Variants in PPP2R5C observed in about 807,000 individuals in gnomAD.
PPP2R5C encodes serine/threonine-protein phosphatase 2A 56 kDa regulatory subunit gamma isoform.
In PPP2R5C, 7 loss-of-function variants were observed where a neutral mutation model predicts 68.9. The ratio of observed to expected loss-of-function variants is 0.10; its 90% CI spans 0.06 to 0.19. The LOEUF (loss-of-function observed/expected upper bound fraction) is 0.19, where lower values mean the gene tolerates loss of function less well. Among genes scored for constraint, PPP2R5C ranks in the 10% least tolerant of loss-of-function variants. PPP2R5C has a pLI of 1.00. For synonymous variants in PPP2R5C, 210 were observed against 222.2 expected (o/e 0.95, Z 0.49); for missense variants, 348 against 641.3 (o/e 0.54, Z 4.94).
intron 1 of PPP2R5C, among the ~76,000 whole-genome samples, chr14:101,840,422 T>C (rs961031064): frequency 6.7e-6 from 1 of 149,382 alleles, no homozygotes. Context: ...CGCTTGCTGC[T>C]TTCTGGTTTT....
chr14:101,774,148 T>TA (rs755280759), intron 2 of PPP2R5C, among the ~76,000 whole-genome samples: 15 of 152,340 alleles, frequency 9.8e-5, no homozygotes, highest in Non-Finnish European at 1.5e-4. Flanking sequence ...ATGAAGGGTT[T>TA]CTTTGTTCAC....
intron 2 of PPP2R5C, among the ~76,000 whole-genome samples, chr14:101,775,630 G>A (rs991876013): frequency 6.6e-6 from 1 of 152,170 alleles, no homozygotes; most frequent in African/African-American, 2.4e-5. Context: ...AGACTTGGGA[G>A]AGGACCATGT....
intron 3 of PPP2R5C, among the ~76,000 whole-genome samples, chr14:101,804,373 A>G (rs539661804): frequency 3.2e-4 from 48 of 152,256 alleles, no homozygotes; most frequent in Non-Finnish European, 6.2e-4. Context: ...TGCTGGGTAC[A>G]TACCACAAAG....
chr14:101,822,742 T>C (rs991803222), intron 1 of PPP2R5C, among the ~76,000 whole-genome samples: 3 of 152,258 alleles, frequency 2.0e-5, no homozygotes, highest in African/African-American at 7.2e-5. Flanking sequence ...TGGATATGAA[T>C]TCTGCATTTT....
chr14:101,841,671 C>T (rs542109070), intron 1 of PPP2R5C, among the ~76,000 whole-genome samples: 4 of 152,146 alleles, frequency 2.6e-5, no homozygotes, highest in South Asian at 4.1e-4. Context: ...ACCTTCCAGT[C>T]GCAGACACAA....
At chr14:101,921,563 G>A (rs1300570091) in intron 13 of PPP2R5C, among the ~76,000 whole-genome samples, 2 of 151,542 alleles carry the variant, frequency 1.3e-5, no homozygotes, top group Non-Finnish European at 2.9e-5. Context: ...CAGGAAAAAC[G>A]TGCACAATTT....
At chr14:101,924,578 G>A (rs2141223513) in intron 13 of PPP2R5C, among the ~76,000 whole-genome samples, 1 of 151,616 alleles carries the variant, frequency 6.6e-6, no homozygotes, top group South Asian at 2.1e-4. Flanking sequence ...AAGTAGCTGG[G>A]ATTACAGGCG....
chr14:101,823,961 G>T (rs2040243276), intron 1 of PPP2R5C: 2 of 1,288,720 alleles, frequency 1.6e-6, no homozygotes, highest in Non-Finnish European at 2.0e-6. Context: ...TACTTTTAGG[G>T]TTTGTGGTTA....
intron 2 of PPP2R5C, 94 bp downstream of exon 4, chr14:101,856,979 A>G (rs1332743286): frequency 2.5e-6 from 3 of 1,188,568 alleles, no homozygotes. Context: ...TACCCAGGAG[A>G]AGAATCCTCC....
At chr14:101,909,963 C>T (rs1382951899) in intron 11 of PPP2R5C, among the ~76,000 whole-genome samples, 1 of 152,166 alleles carries the variant, frequency 6.6e-6, no homozygotes, top group Non-Finnish European at 1.5e-5. Flanking sequence ...AGAATTTTTT[C>T]TTTTCTTGGG....
chr14:101,897,300 T>C lies in PPP2R5C; in HGVS notation c.852+2740T>C, dbSNP rs568211160. ...AAATGAACAGTGTTAATAAAACTCA[T>C]TGGGGATTTTTTTTTTAAACTGTAT... On this transcript the variant is annotated intron_variant, in intron 8 of 13. Coordinates refer to ENST00000334743, the Ensembl canonical transcript of PPP2R5C. 8.7e-4 allele frequency among the ~76,000 whole-genome samples: 133 copies of C among 152,224 alleles called. 1 individual carries two copies. The highest frequency in any genetic ancestry group is 3.0e-3 in the African/African-American group (126 of 41,540).
At chr14:101,922,192 A>G (rs1241346799) in intron 13 of PPP2R5C, 1 of 985,254 alleles carries the variant, frequency 1.0e-6, no homozygotes, top group Non-Finnish European at 1.2e-6. Context: ...AAAGAAAGAA[A>G]TTTGGCAGCT....
rs898172088 is a variant in PPP2R5C, at chr14:101,877,096, C to T, written c.295-5065C>T. Among the ~76,000 whole-genome samples the T allele has an allele frequency of 6.6e-6, 1 of 151,730 alleles. No homozygotes were observed. Among genetic ancestry groups the T allele is most frequent in the African/African-American group, 2.4e-5 (1 of 41,310 alleles). Reference sequence around the variant, plus strand: ...CCCGAGTAGCTGGGATTACAGGCACCCACCACCACACCCAGCTAAGTTTTG... The same window carrying T: ...CCCGAGTAGCTGGGATTACAGGCACTCACCACCACACCCAGCTAAGTTTTG... On this transcript the variant is annotated intron_variant, in intron 2 of 13. Transcript: ENST00000334743. This position sits in a 1 kb window ranked among gnomAD's most constrained non-coding sequence, Gnocchi z 4.2.
chr14:101,909,734 C>G (rs1459832607), intron 11 of PPP2R5C, 44 bp downstream of exon 13: 3 of 1,439,432 alleles, frequency 2.1e-6, no homozygotes, highest in Non-Finnish European at 2.9e-6. Context: ...GGATTTTTTT[C>G]TTAATCCTAA....
At chr14:101,893,916 C>G (rs897928528) in intron 7 of PPP2R5C, among the ~76,000 whole-genome samples, 1 of 152,216 alleles carries the variant, frequency 6.6e-6, no homozygotes, top group African/African-American at 2.4e-5. Flanking sequence ...TTGTTCACTT[C>G]CGGCTGTCAC....
intron 1 of PPP2R5C, among the ~76,000 whole-genome samples, chr14:101,822,916 A>G (rs2140281974): frequency 6.6e-6 from 1 of 152,284 alleles, no homozygotes; most frequent in South Asian, 2.1e-4. Context: ...GTGTGTGTAT[A>G]TGCACCCATG....
chr14:101,808,414 A>C (rs940721466), upstream of PPP2R5C, among the ~76,000 whole-genome samples: 5 of 152,132 alleles, frequency 3.3e-5, no homozygotes, highest in Admixed American at 3.3e-4. Flanking sequence ...CGGCCATGGA[A>C]TCCAGCACTG....
chr14:101,787,656 A>G (rs1204151484), intron 3 of PPP2R5C, among the ~76,000 whole-genome samples: 3 of 151,684 alleles, frequency 2.0e-5, no homozygotes, highest in Non-Finnish European at 4.4e-5. Flanking sequence ...AGTCCCAGCT[A>G]CTTGGGAGGC....
chr14:101,785,629 C>T (rs1232492407), intron 2 of PPP2R5C, among the ~76,000 whole-genome samples: 1 of 152,182 alleles, frequency 6.6e-6, no homozygotes, highest in African/African-American at 2.4e-5. Context: ...CCAGAATCAT[C>T]GTCCCATCTC....
Sources: allele counts gnomAD v4.1 joint callset (sites outside exome capture counted in the v4.1 genomes callset), GRCh38; gene constraint gnomAD v4.1.1; non-coding constraint Gnocchi (gnomAD v3.1); transcripts MANE v1.5; gene names NCBI Gene and HGNC (gene_info 2026-07-23, HGNC 2026-07-21).